The following MYO3B variants were observed in gnomAD, a reference collection of about 807,000 sequenced individuals.
The protein encoded by MYO3B is myosin IIIB.
A neutral mutation model predicts 174.6 loss-of-function variants in MYO3B; 156 were observed. The ratio of observed to expected loss-of-function variants is 0.89; its 90% CI spans 0.78 to 1.02. The LOEUF is 1.02. Ranked by LOEUF, MYO3B falls within the 50% of genes least tolerant of loss-of-function variation. MYO3B has a pLI of 0.00. For synonymous variants in MYO3B, 563 were observed against 569.1 expected, an observed-to-expected ratio of 0.99 and a Z score of 0.15; for missense variants, 1,632 against 1,639.4, an observed-to-expected ratio of 1.00 and a Z score of 0.08.
chr2:170,625,148 C>T (rs976139177), intron 32 of MYO3B, among the ~76,000 whole-genome samples: 1 of 152,210 alleles, frequency 6.6e-6, no homozygotes, highest in Non-Finnish European at 1.5e-5. Flanking sequence ...ATGGTACCAG[C>T]TCCTCCTTGT....
chr2:170,304,648 G>T (rs1056559480), intron 7 of MYO3B, among the ~76,000 whole-genome samples: 1 of 151,568 alleles, frequency 6.6e-6, no homozygotes, highest in African/African-American at 2.4e-5. Context: ...TGTATTTTTA[G>T]TAGAGATGGG....
In MYO3B at chr2:170,383,728, G is replaced by C. The variant is rs750743615; in HGVS notation, c.1204G>C (p.Gly402Arg). The C allele has an allele frequency of 1.2e-6, 2 of 1,613,336 alleles. No homozygotes were observed. Among genetic ancestry groups the C allele is most frequent in the Non-Finnish European group, 1.7e-6 (2 of 1,179,522 alleles). Residue 402 changes from glycine (G) to arginine (R), a missense_variant, in exon 12 of 35, where the codon GGG becomes CGG. By Grantham distance (125) the Gly-to-Arg change is moderately radical. Coordinates refer to ENST00000408978, the MANE Select transcript of MYO3B (RefSeq NM_138995.5). ...YSPQFSRLYH[G>R]VKRASNPPHI... ...CCTTCAGTTTTCCAGACTTTATCAT[G>C]GGGTGAAACGCGCCTCCAATCCCCC...
intron 30 of MYO3B, among the ~76,000 whole-genome samples, chr2:170,529,277 G>T (rs1689190903): frequency 6.6e-6 from 1 of 151,568 alleles, no homozygotes; most frequent in African/African-American, 2.4e-5. Flanking sequence ...CTGGGTGATG[G>T]AATCATCTGT....
chr2:170,631,903 A>G (rs978831327), intron 32 of MYO3B, among the ~76,000 whole-genome samples: 2 of 152,208 alleles, frequency 1.3e-5, no homozygotes, highest in African/African-American at 2.4e-5. Flanking sequence ...AGACAAGGAA[A>G]ACCATTACAT....
At chr2:170,180,094 A>G (rs2092378874) in intron 1 of MYO3B, 1 of 383,212 alleles carries the variant, frequency 2.6e-6, no homozygotes, top group African/African-American at 2.1e-5. Context: ...GTTGCTGGGC[A>G]AGTTTCTATT....
intron 30 of MYO3B, 158 bp downstream of exon 30, chr2:170,519,698 G>A (rs1040026121): frequency 1.2e-4 from 76 of 618,498 alleles, no homozygotes; most frequent in South Asian, 1.1e-3. Flanking sequence ...AGGGCTGGGC[G>A]TGGTGGCTCA....
intron 32 of MYO3B, among the ~76,000 whole-genome samples, chr2:170,629,394 C>T (rs984960485): frequency 2.6e-5 from 4 of 152,148 alleles, no homozygotes; most frequent in African/African-American, 9.7e-5. Context: ...CCATCCCAAG[C>T]ATCTATAAAC....
chr2:170,362,290 C>T (rs937430764), intron 8 of MYO3B, among the ~76,000 whole-genome samples: 7 of 152,178 alleles, frequency 4.6e-5, no homozygotes, highest in Non-Finnish European at 1.0e-4. Flanking sequence ...GTTTCCTGCC[C>T]AGTGTCAGGC....
At chr2:170,220,493 A>T (rs1213641832) in intron 6 of MYO3B, among the ~76,000 whole-genome samples, 1 of 144,404 alleles carries the variant, frequency 6.9e-6, no homozygotes, top group Admixed American at 7.0e-5. Context: ...GCCTGGCAGG[A>T]TGGCAGGGGC....
chr2:170,588,273 A>C (rs1299749839), intron 32 of MYO3B, among the ~76,000 whole-genome samples: 1 of 152,074 alleles, frequency 6.6e-6, no homozygotes. Context: ...CTCTATACAA[A>C]AAAAAGAAAA....
chr2:170,196,324 C>T (rs549973538), intron 1 of MYO3B, among the ~76,000 whole-genome samples: 10 of 152,114 alleles, frequency 6.6e-5, no homozygotes, highest in South Asian at 2.1e-4. Flanking sequence ...GTGGGCAACA[C>T]GGCAAGACCC....
intron 16 of MYO3B, among the ~76,000 whole-genome samples, chr2:170,396,712 G>A (rs975809918): frequency 6.6e-5 from 10 of 152,228 alleles, no homozygotes; most frequent in African/African-American, 2.4e-4. Flanking sequence ...GCAAGATGCT[G>A]GTTTCAAGGG....
intron 7 of MYO3B, 111 bp downstream of exon 7, chr2:170,236,247 T>A (rs980505943): frequency 7.0e-7 from 1 of 1,421,264 alleles, no homozygotes; most frequent in Non-Finnish European, 9.7e-7. Flanking sequence ...CAAAGCCTGA[T>A]TGTGAAATAT....
chr2:170,435,096 C>G (rs932117037), intron 22 of MYO3B, among the ~76,000 whole-genome samples: 2 of 152,242 alleles, frequency 1.3e-5, no homozygotes, highest in African/African-American at 4.8e-5. Context: ...GTAGGTCTGT[C>G]TCAAGCTTGC....
chr2:170,326,286 A>G (rs2093866594), intron 7 of MYO3B, among the ~76,000 whole-genome samples: 1 of 152,186 alleles, frequency 6.6e-6, no homozygotes, highest in Non-Finnish European at 1.5e-5. Context: ...TTAGAGAACA[A>G]CATGATCTAT....
At chr2:170,358,171 A>G (rs1280397934) in intron 8 of MYO3B, among the ~76,000 whole-genome samples, 3 of 152,176 alleles carry the variant, frequency 2.0e-5, no homozygotes, top group South Asian at 2.1e-4. Flanking sequence ...AAACAAAAAA[A>G]CAAAAGTAGA....
intron 8 of MYO3B, among the ~76,000 whole-genome samples, chr2:170,360,475 C>T (rs2094152498): frequency 6.6e-6 from 1 of 152,188 alleles, no homozygotes; most frequent in African/African-American, 2.4e-5. Flanking sequence ...TTTGAAAGTT[C>T]TGATCAGGGC....
chr2:170,549,672 G>A (rs1690754197), intron 32 of MYO3B, among the ~76,000 whole-genome samples: 2 of 152,230 alleles, frequency 1.3e-5, no homozygotes, highest in Non-Finnish European at 1.5e-5. Context: ...ACTTTCCTGT[G>A]ACAGAAATGT....
At chr2:170,607,017 T>C (rs1410343023) in intron 32 of MYO3B, among the ~76,000 whole-genome samples, 4 of 152,114 alleles carry the variant, frequency 2.6e-5, no homozygotes, top group Non-Finnish European at 4.4e-5. Flanking sequence ...CGAAACTCCG[T>C]CTCAAAAAAT....
Sources: gnomAD v4.1 joint callset for allele counts (sites outside exome capture counted in the v4.1 genomes callset) on GRCh38, gnomAD v4.1.1 for gene constraint, MANE v1.5 for transcripts, NCBI Gene and HGNC (gene_info 2026-07-23, HGNC 2026-07-21) for gene names.